The following NOL4 variants were observed in gnomAD, a reference collection of about 807,000 sequenced individuals.
The protein encoded by NOL4 is nucleolar protein 4.
A neutral mutation model predicts 75.9 loss-of-function variants in NOL4; 17 were observed. The observed-to-expected ratio is 0.22, with a 90% CI of 0.15 to 0.34. The LOEUF (loss-of-function observed/expected upper bound fraction) is 0.34. Among genes scored for constraint, NOL4 ranks in the 10% least tolerant of loss-of-function variants. NOL4 has a pLI of 1.00. For synonymous variants in NOL4, 292 were observed against 289.9 expected, an observed-to-expected ratio of 1.01 and a Z score of -0.07; for missense variants, 614 against 793.5, an observed-to-expected ratio of 0.77 and a Z score of 2.72.
chr18:33,877,066 C>T (rs2063970260), intron 10 of NOL4, among the ~76,000 whole-genome samples: 1 of 151,952 alleles, frequency 6.6e-6, no homozygotes, highest in Admixed American at 6.6e-5. Flanking sequence ...CTACACTCAG[C>T]CCAAAGTCAT....
intron 6 of NOL4, among the ~76,000 whole-genome samples, chr18:33,977,331 G>A (rs1432706489): frequency 2.6e-5 from 4 of 152,096 alleles, no homozygotes; most frequent in Non-Finnish European, 5.9e-5. Context: ...TGTCATGGAG[G>A]GACCCAATGG....
At chr18:34,064,943 AC>A (rs2077209548) in intron 5 of NOL4, among the ~76,000 whole-genome samples, 1 of 58,500 alleles carries the variant, frequency 1.7e-5, no homozygotes, top group African/African-American at 4.6e-5. Context: ...ACACACACAC[AC>A]ACACACACAT....
chr18:34,005,992 C>A (rs1057146706), intron 6 of NOL4, among the ~76,000 whole-genome samples: 12 of 152,046 alleles, frequency 7.9e-5, no homozygotes. Context: ...AAGCCTTCTT[C>A]AATTTCCTAC....
chr18:34,219,115 T>C (rs965232322), intron 1 of NOL4, among the ~76,000 whole-genome samples: 2 of 152,190 alleles, frequency 1.3e-5, no homozygotes, highest in African/African-American at 4.8e-5. Context: ...ACTGAATAAA[T>C]CATCATTTGT....
chr18:34,169,026 G>C (rs975025365), intron 1 of NOL4, among the ~76,000 whole-genome samples: 2 of 151,750 alleles, frequency 1.3e-5, no homozygotes, highest in African/African-American at 4.8e-5. Flanking sequence ...ACTACTACCA[G>C]ATCTGTTTAT....
chr18:34,053,704 T>C (rs1475979716), intron 5 of NOL4, among the ~76,000 whole-genome samples: 1 of 151,922 alleles, frequency 6.6e-6, no homozygotes, highest in African/African-American at 2.4e-5. Context: ...TAATATCAGT[T>C]CTATGCTGAT....
chr18:34,123,567 C>CTA (rs1336299171), intron 2 of NOL4, among the ~76,000 whole-genome samples: 116 of 140,678 alleles, frequency 8.2e-4, no homozygotes, highest in African/African-American at 2.9e-3. Context: ...ATATGGTTCT[C>CTA]TATATATATA....
intron 6 of NOL4, among the ~76,000 whole-genome samples, chr18:33,997,731 T>TATATACTTTATATATATACTCC: frequency 6.7e-6 from 1 of 149,362 alleles, no homozygotes; most frequent in South Asian, 2.1e-4. Context: ...ATATATACTC[T>TATATACTTTATATATATACTCC]ATATACTTTA....
At chr18:33,915,060 G>T (rs1241058903) in intron 9 of NOL4, among the ~76,000 whole-genome samples, 3 of 152,068 alleles carry the variant, frequency 2.0e-5, no homozygotes, top group Non-Finnish European at 2.9e-5. Context: ...AGATGGAACT[G>T]CAAGGAAGCA....
At chr18:34,076,794 CAGA>C (rs2145336278) in intron 5 of NOL4, among the ~76,000 whole-genome samples, 1 of 152,204 alleles carries the variant, frequency 6.6e-6, no homozygotes, top group East Asian at 1.9e-4. Flanking sequence ...TTAATACTTC[CAGA>C]ATTCTTAGAC....
intron 5 of NOL4, among the ~76,000 whole-genome samples, chr18:34,052,291 ATAAAAG>A (rs1411629913): frequency 1.3e-5 from 2 of 152,036 alleles, no homozygotes; most frequent in African/African-American, 2.4e-5. Flanking sequence ...TGGTTGATCT[ATAAAAG>A]TAAAAGTAAA....
At chr18:34,134,558 C>T (rs376735088) in intron 1 of NOL4, among the ~76,000 whole-genome samples, 123 of 150,344 alleles carry the variant, frequency 8.2e-4, no homozygotes, top group African/African-American at 2.9e-3. Context: ...TAGCTGGAAA[C>T]GTAAAAGCTC....
rs557888103 is a variant in NOL4, at chr18:34,167,474, C to T, written c.265-37454G>A. Among the ~76,000 whole-genome samples the T allele has an allele frequency of 4.6e-5, 7 of 152,106 alleles. No individual in the cohort carries two copies. The South Asian group carries it at 1.2e-3, about 27-fold the overall frequency. On this transcript the variant is annotated intron_variant, in intron 1 of 10. Coordinates refer to ENST00000261592, the MANE Select transcript of NOL4 (RefSeq NM_003787.5). ...CATATTTTGGCCCCTTCATTCTTCT[C>T]TTAGGTGCCTAAAGTATCTTTCTAA...
Position 33,998,781 on chromosome 18 carries a change from T to C in NOL4, c.1056+20537A>G, listed in dbSNP as rs536969991. ...ATTAAATTAATGAATGACCAGGAGA[T>C]GTGCTACAGAGGATCTGCAGGGAAA... On this transcript the variant is annotated intron_variant, in intron 6 of 10. Coordinates refer to ENST00000261592, the MANE Select transcript of NOL4 (RefSeq NM_003787.5). Among the ~76,000 whole-genome samples the C allele has an allele frequency of 7.3e-4, 111 of 152,258 alleles. 2 individuals carry two copies. Among genetic ancestry groups the C allele is most frequent in the Non-Finnish European group, 7.4e-5 (5 of 68,000 alleles).
chr18:33,996,253 G>A (rs1281322337), intron 6 of NOL4, among the ~76,000 whole-genome samples: 4 of 151,642 alleles, frequency 2.6e-5, no homozygotes, highest in Admixed American at 1.3e-4. Flanking sequence ...AATCTCATAC[G>A]GAGAAATTCC....
At chr18:34,148,072 T>C (rs1325285450) in intron 1 of NOL4, among the ~76,000 whole-genome samples, 1 of 151,956 alleles carries the variant, frequency 6.6e-6, no homozygotes, top group Non-Finnish European at 1.5e-5. Flanking sequence ...TCTGCTTTAT[T>C]ATTTTTTATT....
At chr18:33,906,816 C>T (rs887534170) in intron 9 of NOL4, among the ~76,000 whole-genome samples, 1 of 152,074 alleles carries the variant, frequency 6.6e-6, no homozygotes, top group Non-Finnish European at 1.5e-5. Flanking sequence ...CTTTTCCACA[C>T]CCTTAGTGTT....
intron 6 of NOL4, among the ~76,000 whole-genome samples, chr18:34,008,601 G>A (rs2074192705): frequency 6.6e-6 from 1 of 151,890 alleles, no homozygotes; most frequent in African/African-American, 2.4e-5. Flanking sequence ...TTTGCACATT[G>A]TGATTTGAGA....
intron 10 of NOL4, among the ~76,000 whole-genome samples, chr18:33,854,870 G>T (rs1850112999): frequency 6.6e-6 from 1 of 151,862 alleles, no homozygotes; most frequent in African/African-American, 2.4e-5. Flanking sequence ...GAGGGAGATT[G>T]ATTTTATTCT....
Sources: allele counts gnomAD v4.1 joint callset (sites outside exome capture counted in the v4.1 genomes callset), GRCh38; gene constraint gnomAD v4.1.1; transcripts MANE v1.5; gene names NCBI Gene and HGNC (gene_info 2026-07-23, HGNC 2026-07-21).